PKP4: variants seen among roughly 807,000 people sequenced by gnomAD.
The protein encoded by PKP4 is plakophilin 4, also known as plakophilin-4.
A neutral mutation model predicts 145.1 loss-of-function variants in PKP4; 90 were observed. The observed-to-expected ratio is 0.62, with a 90% CI of 0.52 to 0.74. PKP4 has a LOEUF of 0.74. Among genes scored for constraint, PKP4 ranks in the 30% least tolerant of loss-of-function variants. The pLI, the probability that PKP4 is intolerant of heterozygous loss-of-function variation, is 0.00. For synonymous variants in PKP4, 563 were observed against 577.2 expected, an observed-to-expected ratio of 0.98 and a Z score of 0.35; for missense variants, 1,340 against 1,482.7, an observed-to-expected ratio of 0.90 and a Z score of 1.58.
chr2:158,680,476 T>G lies in PKP4; in HGVS notation c.3378T>G (p.Phe1126Leu), dbSNP rs878953043. ...AAGATGACTCCAACAGAAAGAACTTTGATGCATACAGATTGTATTTGCAGT... is the reference window on the plus strand; with the variant it reads ...AAGATGACTCCAACAGAAAGAACTTGGATGCATACAGATTGTATTTGCAGT... Reference protein sequence around the residue: ...YSQDDSNRKNFDAYRLYLQSP... With the variant: ...YSQDDSNRKNLDAYRLYLQSP... Residue 1126 changes from phenylalanine (F) to leucine (L), a missense_variant, in exon 22 of 22, where the codon TTT becomes TTG. Transcript: ENST00000389759. 6.2e-7 allele frequency: 1 copy of G among 1,612,766 alleles called. No homozygotes were observed. The highest frequency in any genetic ancestry group is 2.2e-5 in the East Asian group (1 of 44,868).
rs76801700 is a variant in PKP4, at chr2:158,640,008, T to A, written c.1563-619T>A. ...TAATAACCCAGTTTTATGGAAAAAA[T>A]TCCAAACTCACACATGTGTGCACAT... On this transcript the variant is annotated intron_variant, in intron 9 of 21. Coordinates refer to ENST00000389759, the MANE Select transcript of PKP4 (RefSeq NM_003628.6). Among the ~76,000 whole-genome samples, 733 of 152,252 alleles carry A rather than the reference T, an allele frequency of 4.8e-3. 2 individuals are homozygous for A. Among genetic ancestry groups the A allele is most frequent in the African/African-American group, 0.016 (669 of 41,544 alleles).
intron 3 of PKP4, among the ~76,000 whole-genome samples, chr2:158,585,186 GGCT>G (rs773758122): frequency 2.0e-5 from 3 of 152,134 alleles, no homozygotes; most frequent in Non-Finnish European, 4.4e-5. Context: ...TTCTTTGGCT[GGCT>G]GCTGCTGGTA....
chr2:158,558,889 C>T (rs1438835163), intron 2 of PKP4, among the ~76,000 whole-genome samples: 1 of 152,088 alleles, frequency 6.6e-6, no homozygotes, highest in Non-Finnish European at 1.5e-5. Flanking sequence ...GGATCAGGGT[C>T]AGTGCTTCAG....
At chr2:158,552,746 G>A (rs575769996) in intron 2 of PKP4, among the ~76,000 whole-genome samples, 3 of 152,226 alleles carry the variant, frequency 2.0e-5, no homozygotes, top group African/African-American at 7.2e-5. Flanking sequence ...GCACATAAAA[G>A]TTATGTTTAC....
At chr2:158,515,595 A>G (rs2041874954) in intron 1 of PKP4, among the ~76,000 whole-genome samples, 1 of 152,228 alleles carries the variant, frequency 6.6e-6, no homozygotes, top group Non-Finnish European at 1.5e-5. Flanking sequence ...GTTTTTCCTT[A>G]ATAGATAAAC....
At chr2:158,539,096 T>C (rs1333320693) in intron 2 of PKP4, among the ~76,000 whole-genome samples, 1 of 152,228 alleles carries the variant, frequency 6.6e-6, no homozygotes, top group Non-Finnish European at 1.5e-5. Context: ...CCACTTTCAA[T>C]ATATTTTCTG....
chr2:158,486,608 C>G (rs1309847923), intron 1 of PKP4, among the ~76,000 whole-genome samples: 2 of 152,168 alleles, frequency 1.3e-5, no homozygotes, highest in African/African-American at 4.8e-5. Flanking sequence ...ACCTACATTC[C>G]AAATACAACT....
intron 2 of PKP4, among the ~76,000 whole-genome samples, chr2:158,565,725 C>T (rs962593815): frequency 1.3e-5 from 2 of 152,012 alleles, no homozygotes; most frequent in Admixed American, 6.6e-5. Context: ...TGAGGTTGGA[C>T]GCAGCCTGTA....
chr2:158,555,885 T>C (rs2046045338), intron 2 of PKP4, among the ~76,000 whole-genome samples: 1 of 152,234 alleles, frequency 6.6e-6, no homozygotes, highest in South Asian at 2.1e-4. Flanking sequence ...AGTCCAAGTA[T>C]AATCTACTCT....
At chr2:158,490,084 C>T (rs757753742) in intron 1 of PKP4, among the ~76,000 whole-genome samples, 4 of 151,944 alleles carry the variant, frequency 2.6e-5, no homozygotes, top group Non-Finnish European at 5.9e-5. Flanking sequence ...TATATAAAAC[C>T]GTGAGATTTA....
At chr2:158,578,492 A>G (rs1325795435) in intron 3 of PKP4, among the ~76,000 whole-genome samples, 4 of 86,058 alleles carry the variant, frequency 4.6e-5, no homozygotes, top group African/African-American at 9.5e-5. Flanking sequence ...GCAATACCCA[A>G]TGAAATAATT....
intron 1 of PKP4, among the ~76,000 whole-genome samples, chr2:158,469,864 C>G (rs1691274043): frequency 6.6e-6 from 1 of 152,170 alleles, no homozygotes; most frequent in African/African-American, 2.4e-5. Context: ...TTGTGTATTT[C>G]CTGAAGGTTT....
intron 11 of PKP4, among the ~76,000 whole-genome samples, chr2:158,655,990 A>G (rs1360674687): frequency 6.6e-6 from 1 of 152,246 alleles, no homozygotes; most frequent in East Asian, 1.9e-4. Flanking sequence ...TGGTCAGGAC[A>G]GACTGCCAAA....
Position 158,631,780 on chromosome 2 carries a change from A to G in PKP4, c.1181A>G (p.His394Arg). 2 of 1,614,042 alleles carry G rather than the reference A, an allele frequency of 1.2e-6. No homozygotes were observed. Among genetic ancestry groups the G allele is most frequent in the Non-Finnish European group, 1.7e-6 (2 of 1,179,930 alleles). The change falls in exon 8 of 22, where the codon CAT (histidine) becomes CGT (arginine). Residue 394 changes from histidine (H) to arginine (R), a missense_variant. Physicochemically the swap from His to Arg is conservative, Grantham distance 29. Coordinates refer to ENST00000389759, the MANE Select transcript of PKP4 (RefSeq NM_003628.6). ...TGLRSSYASQ[H>R]SQLGQDLRSA... Reference sequence around the variant, plus strand: ...TTACGGAGTTCCTATGCTAGTCAGCATAGTCAGCTTGGGCAAGACCTTCGT... The same window carrying G: ...TTACGGAGTTCCTATGCTAGTCAGCGTAGTCAGCTTGGGCAAGACCTTCGT...
chr2:158,678,800 G>T (rs149337804), intron 21 of PKP4, 146 bp downstream of exon 21: 1 of 678,372 alleles, frequency 1.5e-6, no homozygotes, highest in South Asian at 1.7e-5. Flanking sequence ...GAAACTCAAC[G>T]TGTGGTTTAA....
chr2:158,616,055 G>A lies in PKP4; in HGVS notation c.281-4935G>A, dbSNP rs562120451. Among the ~76,000 whole-genome samples the A allele has an allele frequency of 2.0e-5, 3 of 152,234 alleles. No homozygotes were observed. In the East Asian group the frequency reaches 5.8e-4, roughly 29 times the overall value. ...TTTTAAATGATATCCTATGTATATAGTAGCTTATATTTGAATCAACAAACT... is the reference window on the plus strand; with the variant it reads ...TTTTAAATGATATCCTATGTATATAATAGCTTATATTTGAATCAACAAACT... On this transcript the variant is annotated intron_variant, in intron 4 of 21. Coordinates refer to ENST00000389759, the MANE Select transcript of PKP4 (RefSeq NM_003628.6).
chr2:158,664,674 G>T (rs1487102999), intron 15 of PKP4, among the ~76,000 whole-genome samples: 1 of 152,202 alleles, frequency 6.6e-6, no homozygotes, highest in Admixed American at 6.5e-5. Flanking sequence ...AGCCGGTGTG[G>T]TTATTTTGTT....
intron 2 of PKP4, among the ~76,000 whole-genome samples, chr2:158,559,884 T>G (rs76283301): frequency 6.6e-6 from 1 of 152,208 alleles, no homozygotes; most frequent in Admixed American, 6.5e-5. Context: ...CTTTTTTTTT[T>G]GAGGCAGAGT....
intron 1 of PKP4, among the ~76,000 whole-genome samples, chr2:158,484,715 A>G (rs921521492): frequency 2.6e-5 from 4 of 152,184 alleles, no homozygotes; most frequent in Admixed American, 6.5e-5. Flanking sequence ...CAGTAAGTGG[A>G]TTATCTTCGC....
Sources: allele counts gnomAD v4.1 joint callset (sites outside exome capture counted in the v4.1 genomes callset), GRCh38; gene constraint gnomAD v4.1.1; transcripts MANE v1.5; gene names NCBI Gene and HGNC (gene_info 2026-07-23, HGNC 2026-07-21).